Variants in LSAMP observed in about 807,000 individuals in gnomAD.
LSAMP encodes limbic system-associated membrane protein.
In LSAMP, 7 loss-of-function variants were observed where a neutral mutation model predicts 38.6. That is an observed-to-expected ratio of 0.18 (90% CI 0.10 to 0.34). LSAMP has a LOEUF of 0.34. LSAMP is among the 10% of genes least tolerant of loss of function. The pLI is 1.00. For synonymous variants in LSAMP, 154 were observed against 166.8 expected, an observed-to-expected ratio of 0.92 and a Z score of 0.59; for missense variants, 313 against 420.0, an observed-to-expected ratio of 0.75 and a Z score of 2.23.
intron 2 of LSAMP, among the ~76,000 whole-genome samples, chr3:116,027,391 G>A (rs372666359): frequency 7.9e-5 from 12 of 152,248 alleles, no homozygotes; most frequent in East Asian, 7.7e-4. Context: ...CCAGAGATAC[G>A]GGGCTTGTGT....
chr3:116,107,766 T>C (rs1021650191), intron 1 of LSAMP, among the ~76,000 whole-genome samples: 1 of 151,974 alleles, frequency 6.6e-6, no homozygotes. Context: ...AGGCTGGGAT[T>C]AAGGGTGCAA....
At chr3:116,351,198 G>T (rs2107765595) in intron 1 of LSAMP, among the ~76,000 whole-genome samples, 1 of 152,114 alleles carries the variant, frequency 6.6e-6, no homozygotes, top group Admixed American at 6.6e-5. Flanking sequence ...AGAAAGAGCT[G>T]CATTGCTGAG....
chr3:115,848,355 C>T (rs528324248), intron 4 of LSAMP, among the ~76,000 whole-genome samples: 1 of 152,318 alleles, frequency 6.6e-6, no homozygotes, highest in Admixed American at 6.5e-5. Context: ...ACCCAGGAGG[C>T]AGACGTTGCA....
intron 1 of LSAMP, among the ~76,000 whole-genome samples, chr3:116,373,319 G>A (rs972714551): frequency 6.6e-6 from 1 of 151,446 alleles, no homozygotes; most frequent in Non-Finnish European, 1.5e-5. Flanking sequence ...AAACTTGAAG[G>A]CATTATGCTA....
chr3:116,349,822 T>C (rs1329847056), intron 1 of LSAMP, among the ~76,000 whole-genome samples: 2 of 151,984 alleles, frequency 1.3e-5, no homozygotes, highest in Non-Finnish European at 2.9e-5. Context: ...AAGAAAAGTC[T>C]CTCTGGGGAA....
intron 1 of LSAMP, among the ~76,000 whole-genome samples, chr3:116,129,657 G>C (rs927996194): frequency 6.6e-6 from 1 of 152,210 alleles, no homozygotes; most frequent in African/African-American, 2.4e-5. Context: ...TGGCATTAAT[G>C]AAGCAATCCC....
At chr3:116,000,110 T>C (rs1407186832) in intron 3 of LSAMP, among the ~76,000 whole-genome samples, 1 of 152,146 alleles carries the variant, frequency 6.6e-6, no homozygotes, top group Non-Finnish European at 1.5e-5. Flanking sequence ...AAGAGAAGAT[T>C]CAAGCCAGAT....
At chr3:116,258,305 A>G (rs1377903746) in intron 1 of LSAMP, among the ~76,000 whole-genome samples, 1 of 151,874 alleles carries the variant, frequency 6.6e-6, no homozygotes, top group Non-Finnish European at 1.5e-5. Flanking sequence ...TTGAATTCTC[A>G]GTAGCTTTCA....
intron 3 of LSAMP, among the ~76,000 whole-genome samples, chr3:116,010,579 A>G (rs1227986681): frequency 6.6e-6 from 1 of 152,204 alleles, no homozygotes; most frequent in Non-Finnish European, 1.5e-5. Flanking sequence ...AAGACTATGA[A>G]AGGGCTAGCT....
intron 1 of LSAMP, among the ~76,000 whole-genome samples, chr3:116,188,252 TGGCCTCTAAAG>T (rs909105144): frequency 1.3e-5 from 2 of 152,144 alleles, no homozygotes; most frequent in Admixed American, 6.5e-5. Flanking sequence ...ACAAAAGCCA[TGGCCTCTAAAG>T]GGCCTCCTGT....
intron 2 of LSAMP, among the ~76,000 whole-genome samples, chr3:116,021,751 T>TA (rs1032489757): frequency 1.6e-4 from 23 of 146,788 alleles, no homozygotes; most frequent in African/African-American, 4.3e-4. Flanking sequence ...AATCCACAAC[T>TA]AAAAAAAAAT....
chr3:116,070,129 G>A (rs1486114559), intron 2 of LSAMP, among the ~76,000 whole-genome samples: 1 of 152,174 alleles, frequency 6.6e-6, no homozygotes, highest in Non-Finnish European at 1.5e-5. Flanking sequence ...TATTCATAGT[G>A]TGCTTAAATA....
At chr3:115,958,973 C>G (rs1208415543) in intron 3 of LSAMP, among the ~76,000 whole-genome samples, 1 of 152,118 alleles carries the variant, frequency 6.6e-6, no homozygotes, top group Non-Finnish European at 1.5e-5. Flanking sequence ...TGCAGAGCCC[C>G]AGAATTGTGC....
intron 3 of LSAMP, among the ~76,000 whole-genome samples, chr3:115,873,834 C>G (rs1247905221): frequency 6.6e-6 from 1 of 152,048 alleles, no homozygotes; most frequent in Non-Finnish European, 1.5e-5. Flanking sequence ...TATTTAATAG[C>G]TTTCTTGTCC....
chr3:116,348,375 G>A (rs145820845), intron 1 of LSAMP, among the ~76,000 whole-genome samples: 8 of 152,128 alleles, frequency 5.3e-5, no homozygotes, highest in Non-Finnish European at 1.0e-4. Context: ...AACAGCCCAA[G>A]TGTATTTGGC....
chr3:115,819,194 C>G (rs1008101771), intron 6 of LSAMP, among the ~76,000 whole-genome samples: 1 of 151,806 alleles, frequency 6.6e-6, no homozygotes, highest in African/African-American at 2.4e-5. Flanking sequence ...GCCTGTAATC[C>G]CAGCACTTTG....
intron 1 of LSAMP, among the ~76,000 whole-genome samples, chr3:116,391,819 A>G (rs1236064029): frequency 2.0e-5 from 3 of 152,124 alleles, no homozygotes; most frequent in Non-Finnish European, 2.9e-5. Context: ...ACTCACCCCC[A>G]ACTGATGGTG....
Position 115,869,301 on chromosome 3 carries a change from A to AGAGACT in LSAMP, c.515-16685_515-16684insAGTCTC, listed in dbSNP as rs1410947626. Reference sequence around the variant, plus strand: ...GAGAGAGAGAGAGAGAGAGAGAGAGAGACTGACTGAGAGAGAGAGACTGCC... The same window carrying AGAGACT: ...GAGAGAGAGAGAGAGAGAGAGAGAGAGAGACTGACTGACTGAGAGAGAGAGACTGCC... On this transcript the variant is annotated intron_variant, in intron 3 of 6. Coordinates refer to ENST00000490035, the MANE Select transcript of LSAMP (RefSeq NM_002338.5). Among the ~76,000 whole-genome samples, 64 of 151,564 alleles carry AGAGACT rather than the reference A, an allele frequency of 4.2e-4. 1 individual carries two copies. The highest frequency in any genetic ancestry group is 1.5e-3 in the African/African-American group (62 of 41,244).
chr3:116,262,039 T>G (rs2107659256), intron 1 of LSAMP, among the ~76,000 whole-genome samples: 1 of 152,178 alleles, frequency 6.6e-6, no homozygotes, highest in South Asian at 2.1e-4. Context: ...AATTAATAAA[T>G]CACTTCCCTA....
Sources: allele counts gnomAD v4.1 joint callset (sites outside exome capture counted in the v4.1 genomes callset), GRCh38; gene constraint gnomAD v4.1.1; transcripts MANE v1.5; gene names NCBI Gene and HGNC (gene_info 2026-07-23, HGNC 2026-07-21).